The following BST1 variants were observed in gnomAD, a reference collection of about 807,000 sequenced individuals.
BST1 encodes bone marrow stromal cell antigen 1, also known as ADP-ribosyl cyclase/cyclic ADP-ribose hydrolase 2.
Under a neutral mutation model 40.6 loss-of-function variants are expected in BST1, and 49 were observed. The ratio of observed to expected loss-of-function variants is 1.21; its 90% CI spans 0.96 to 1.53. BST1 has a LOEUF of 1.53. Among genes scored for constraint, BST1 ranks in the 40% most tolerant of loss-of-function variants. BST1 has a pLI of 0.00. For synonymous variants in BST1, 157 were observed against 159.3 expected, an observed-to-expected ratio of 0.99 and a Z score of 0.11; for missense variants, 423 against 395.9, an observed-to-expected ratio of 1.07 and a Z score of -0.58.
downstream of BST1, among the ~76,000 whole-genome samples, chr4:15,742,012 A>G (rs1446570127): frequency 3.3e-5 from 5 of 152,172 alleles, no homozygotes; most frequent in East Asian, 7.7e-4. Flanking sequence ...ATAAAACTCC[A>G]TTTTATTTTA....
the BST1 span, among the ~76,000 whole-genome samples, chr4:15,770,284 C>T: frequency 6.6e-6 from 1 of 152,192 alleles, no homozygotes; most frequent in Non-Finnish European, 1.5e-5. Flanking sequence ...TGCCTCTTGT[C>T]CCCAGGTGTC....
chr4:15,764,993 G>A, the BST1 span, among the ~76,000 whole-genome samples: 1 of 151,754 alleles, frequency 6.6e-6, no homozygotes, highest in African/African-American at 2.4e-5. Context: ...AGGTAAACTT[G>A]GAAAAGTCAC....
the BST1 span, among the ~76,000 whole-genome samples, chr4:15,750,997 ATCC>A: frequency 6.6e-6 from 1 of 152,192 alleles, no homozygotes; most frequent in Non-Finnish European, 1.5e-5. Context: ...ATGATTTTCT[ATCC>A]TCAAGTAGCT....
rs555906364 is a variant in BST1, at chr4:15,711,635, C to G, written c.452-172C>G. Among the ~76,000 whole-genome samples the G allele has an allele frequency of 2.6e-5, 4 of 152,302 alleles. No individual in the cohort carries two copies. The East Asian group carries it at 7.7e-4, about 29-fold the overall frequency. On this transcript the variant is annotated intron_variant, in intron 3 of 8. Transcript: ENST00000265016. Reference sequence around the variant, plus strand: ...TTTAGTATCATGGACAAGGTGGTCCCTCACCAGGCTCCTTGTGGATTGAGT... The same window carrying G: ...TTTAGTATCATGGACAAGGTGGTCCGTCACCAGGCTCCTTGTGGATTGAGT...
intron 1 of BST1, among the ~76,000 whole-genome samples, chr4:15,703,665 G>T: frequency 7.1e-6 from 1 of 140,000 alleles, no homozygotes; most frequent in Admixed American, 7.1e-5. Context: ...AGAGGTGGGA[G>T]GTGTGTGTGT....
At chr4:15,747,412 T>C in the BST1 span, among the ~76,000 whole-genome samples, 10 of 152,180 alleles carry the variant, frequency 6.6e-5, no homozygotes, top group African/African-American at 2.2e-4. Context: ...TGCTTCTTGG[T>C]ACTAGGAATC....
At chr4:15,722,974 T>C (rs745655673) in intron 8 of BST1, 40 bp downstream of exon 8, 1 of 1,579,238 alleles carries the variant, frequency 6.3e-7, no homozygotes, top group South Asian at 1.1e-5. Flanking sequence ...TTTCCAAAGA[T>C]AACCATCTCC....
At chr4:15,766,719 T>C in the BST1 span, among the ~76,000 whole-genome samples, 1 of 150,110 alleles carries the variant, frequency 6.7e-6, no homozygotes, top group Non-Finnish European at 1.5e-5. Context: ...CATTTATCTA[T>C]TCTTCTTTTC....
At chr4:15,764,964 C>T in the BST1 span, among the ~76,000 whole-genome samples, 1 of 151,752 alleles carries the variant, frequency 6.6e-6, no homozygotes, top group African/African-American at 2.4e-5. Flanking sequence ...CAGTTCCCCA[C>T]TTCCACCACC....
chr4:15,731,555 G>T (rs1577598258), intron 8 of BST1, 185 bp from the exon 9 acceptor site: 1 of 1,019,996 alleles, frequency 9.8e-7, no homozygotes, highest in Non-Finnish European at 1.5e-6. Context: ...AACTTGGGGT[G>T]CTTGCGCTGG....
At chr4:15,764,717 C>G in the BST1 span, among the ~76,000 whole-genome samples, 1 of 151,970 alleles carries the variant, frequency 6.6e-6, no homozygotes, top group Admixed American at 6.5e-5. Context: ...TACTCTCAAC[C>G]GATGTGGGCC....
At chr4:15,719,679 T>C (rs1439160160) in intron 7 of BST1, among the ~76,000 whole-genome samples, 3 of 152,186 alleles carry the variant, frequency 2.0e-5, no homozygotes, top group Admixed American at 6.5e-5. Context: ...TGAACATTTC[T>C]GAGTGTCGCT....
intron 1 of BST1, chr4:15,704,909 G>T (rs373490839): frequency 1.1e-4 from 88 of 769,974 alleles, no homozygotes; most frequent in Middle Eastern, 4.5e-4. Context: ...TTTTATTGTC[G>T]CACATTTCAG....
chr4:15,751,946 T>C, the BST1 span, among the ~76,000 whole-genome samples: 2 of 152,198 alleles, frequency 1.3e-5, no homozygotes, highest in Admixed American at 1.3e-4. Flanking sequence ...GGAACGTGGC[T>C]CGTATAAGAC....
the BST1 span, among the ~76,000 whole-genome samples, chr4:15,752,492 G>A: frequency 6.6e-6 from 1 of 151,766 alleles, no homozygotes. Context: ...GGGTTCCAGT[G>A]ATTCTCCTGC....
intron 4 of BST1, among the ~76,000 whole-genome samples, chr4:15,713,359 T>A (rs1404534499): frequency 6.6e-6 from 1 of 150,780 alleles, no homozygotes; most frequent in Non-Finnish European, 1.5e-5. Context: ...CTAATTTTTG[T>A]ATTTTCAGTA....
chr4:15,743,275 T>G, downstream of BST1: 1 of 253,248 alleles, frequency 3.9e-6, no homozygotes, highest in South Asian at 5.3e-5. Flanking sequence ...CAACAGAAGG[T>G]GAAGCTTACA....
At chr4:15,770,003 C>G in the BST1 span, among the ~76,000 whole-genome samples, 1 of 152,136 alleles carries the variant, frequency 6.6e-6, no homozygotes, top group Non-Finnish European at 1.5e-5. Context: ...CTGCGCCTGG[C>G]TAACTTTTGT....
chr4:15,709,182 T>G (rs149551167), intron 3 of BST1, among the ~76,000 whole-genome samples: 28 of 152,266 alleles, frequency 1.8e-4, no homozygotes, highest in Non-Finnish European at 3.4e-4. Flanking sequence ...GAAAGGAAAG[T>G]GTTGCATTTT....
Sources: allele counts gnomAD v4.1 joint callset (sites outside exome capture counted in the v4.1 genomes callset), GRCh38; gene constraint gnomAD v4.1.1; transcripts MANE v1.5; gene names NCBI Gene and HGNC (gene_info 2026-07-23, HGNC 2026-07-21).